Variants in PDE1C observed in about 807,000 individuals in gnomAD.
The protein encoded by PDE1C is phosphodiesterase 1C, also known as dual specificity calcium/calmodulin-dependent 3',5'-cyclic nucleotide phosphodiesterase 1C.
A neutral mutation model predicts 93.1 loss-of-function variants in PDE1C; 62 were observed. The ratio of observed to expected loss-of-function variants is 0.67; its 90% CI spans 0.54 to 0.82. The LOEUF is 0.82. PDE1C is among the 40% of genes least tolerant of loss of function. PDE1C has a pLI of 0.00. For synonymous variants in PDE1C, 325 were observed against 310.1 expected, an observed-to-expected ratio of 1.05 and a Z score of -0.50; for missense variants, 742 against 884.6, an observed-to-expected ratio of 0.84 and a Z score of 2.04.
At chr7:32,327,407 G>A (rs78734458) in intron 1 of PDE1C, among the ~76,000 whole-genome samples, 7,633 of 152,164 alleles carry the variant, frequency 0.05, 306 homozygotes, top group African/African-American at 0.11. Flanking sequence ...CTCTCATGCC[G>A]CCTCCCAGAC....
rs191963019 is a variant in PDE1C, at chr7:32,219,465, T to C, written c.86-9926A>G. 5.9e-5 allele frequency among the ~76,000 whole-genome samples: 9 copies of C among 152,360 alleles called. No homozygotes were observed. In the East Asian group the frequency reaches 1.7e-3, roughly 29 times the overall value. On this transcript the variant is annotated intron_variant, in intron 1 of 18. Transcript: ENST00000396193. ...TCTTCCCTACTTCCATATACAAATA[T>C]GTTGCATCTGCAGATAGGGATGTGA...
the PDE1C span, among the ~76,000 whole-genome samples, chr7:31,689,004 C>T: frequency 1.3e-5 from 2 of 152,172 alleles, no homozygotes; most frequent in Admixed American, 6.5e-5. Context: ...GTCTTTATGT[C>T]ACTTAGTGTG....
intron 2 of PDE1C, among the ~76,000 whole-genome samples, chr7:32,018,373 T>A (rs1047392756): frequency 3.3e-5 from 5 of 152,064 alleles, no homozygotes; most frequent in Non-Finnish European, 7.4e-5. Flanking sequence ...TACATAAGAA[T>A]GTTCACAGCA....
intron 2 of PDE1C, among the ~76,000 whole-genome samples, chr7:31,917,226 G>A (rs1401373031): frequency 3.9e-5 from 6 of 152,054 alleles, no homozygotes; most frequent in African/African-American, 9.7e-5. Flanking sequence ...ATTTCTTTTC[G>A]CAGATAGAAG....
intron 1 of PDE1C, among the ~76,000 whole-genome samples, chr7:32,235,047 T>G (rs986692460): frequency 5.9e-5 from 9 of 151,988 alleles, no homozygotes; most frequent in African/African-American, 2.4e-5. Flanking sequence ...TTGACAAAAT[T>G]AAACATCTGT....
the PDE1C span, among the ~76,000 whole-genome samples, chr7:31,736,873 G>A: frequency 6.6e-6 from 1 of 152,162 alleles, no homozygotes. Flanking sequence ...CATCTGCAAA[G>A]TAGCCACTTA....
intron 2 of PDE1C, among the ~76,000 whole-genome samples, chr7:31,987,684 G>C (rs565633168): frequency 1.3e-5 from 2 of 152,106 alleles, no homozygotes; most frequent in Admixed American, 6.5e-5. Context: ...GTTTTTCTTA[G>C]AGAACAGTGT....
chr7:31,696,424 TG>T, the PDE1C span, among the ~76,000 whole-genome samples: 1 of 152,126 alleles, frequency 6.6e-6, no homozygotes, highest in Non-Finnish European at 1.5e-5. Flanking sequence ...GAGCTCAGTG[TG>T]GGTAGTGAAT....
At chr7:32,208,685 C>T (rs1361457390) in intron 2 of PDE1C, among the ~76,000 whole-genome samples, 2 of 152,130 alleles carry the variant, frequency 1.3e-5, no homozygotes, top group Admixed American at 1.3e-4. Context: ...AGCGTCTCCA[C>T]TCCACCCTCA....
At chr7:32,209,065 G>T (rs758493372) in intron 2 of PDE1C, among the ~76,000 whole-genome samples, 1 of 152,174 alleles carries the variant, frequency 6.6e-6, no homozygotes, top group Admixed American at 6.5e-5. Flanking sequence ...AACATTCATT[G>T]AAAGATTGAA....
chr7:31,628,619 C>A, the PDE1C span, among the ~76,000 whole-genome samples: 16 of 151,802 alleles, frequency 1.1e-4, no homozygotes, highest in Non-Finnish European at 2.9e-5. Flanking sequence ...CACCACGCCC[C>A]GCTAATTTTT....
chr7:32,095,034 A>G (rs953317489), intron 3 of PDE1C, among the ~76,000 whole-genome samples: 2 of 152,158 alleles, frequency 1.3e-5, no homozygotes, highest in African/African-American at 4.8e-5. Context: ...CCACTAATTT[A>G]TGGTCCTTAT....
At chr7:31,747,975 T>C (rs1794041666), downstream of PDE1C, among the ~76,000 whole-genome samples, 1 of 148,146 alleles carries the variant, frequency 6.8e-6, no homozygotes, top group South Asian at 2.2e-4. Flanking sequence ...CCTCCCATAA[T>C]CCTGTTCTTG....
chr7:32,323,135 A>C (rs145449191), intron 1 of PDE1C, among the ~76,000 whole-genome samples: 1 of 152,342 alleles, frequency 6.6e-6, no homozygotes, highest in East Asian at 1.9e-4. Flanking sequence ...CATTCTGTAG[A>C]TCCATGAGCA....
At chr7:32,129,167 C>A (rs1202563185) in intron 3 of PDE1C, among the ~76,000 whole-genome samples, 1 of 150,918 alleles carries the variant, frequency 6.6e-6, no homozygotes, top group Non-Finnish European at 1.5e-5. Context: ...ATATCACTGT[C>A]AAGACTGTGT....
rs56733244 is a variant in PDE1C at position 32,088,027 on chromosome 7, TA to T, written c.308+81757del. Among the ~76,000 whole-genome samples, 199 of 151,124 alleles carry T rather than the reference TA, an allele frequency of 1.3e-3. 1 individual carries two copies. Among genetic ancestry groups the T allele is most frequent in the African/African-American group, 4.4e-3 (180 of 41,264 alleles). On this transcript the variant is annotated intron_variant, in intron 3 of 18. Transcript: ENST00000396193. ...AATAATAAAATAAAAAAATAAAAAA[TA>T]AAAAAAAGAAAATGTGTTTATGTCA... is the stretch of plus-strand genomic sequence containing the variant.
chr7:32,276,680 AAAT>A (rs146962661), intron 1 of PDE1C, among the ~76,000 whole-genome samples: 7 of 151,940 alleles, frequency 4.6e-5, no homozygotes, highest in Admixed American at 1.3e-4. Context: ...TTTTCCATGG[AAAT>A]AATAATAATA....
intron 2 of PDE1C, among the ~76,000 whole-genome samples, chr7:31,900,561 T>C (rs1287578011): frequency 6.6e-6 from 1 of 151,664 alleles, no homozygotes; most frequent in Non-Finnish European, 1.5e-5. Context: ...TTAATAAATA[T>C]GGAAACAAAA....
At chr7:32,206,399 G>A (rs368732549) in intron 2 of PDE1C, among the ~76,000 whole-genome samples, 8 of 152,150 alleles carry the variant, frequency 5.3e-5, no homozygotes, top group East Asian at 1.9e-4. Flanking sequence ...AATAGAGACC[G>A]ACAGTTGCAT....
Sources: allele counts gnomAD v4.1 joint callset (sites outside exome capture counted in the v4.1 genomes callset), GRCh38; gene constraint gnomAD v4.1.1; transcripts MANE v1.5; gene names NCBI Gene and HGNC (gene_info 2026-07-23, HGNC 2026-07-21).